The following MAP3K13 variants were observed in gnomAD, a reference collection of about 807,000 sequenced individuals.
MAP3K13 encodes the protein leucine zipper-bearing kinase.
A neutral mutation model predicts 104.0 loss-of-function variants in MAP3K13; 52 were observed. The observed-to-expected ratio is 0.50, with a 90% CI of 0.40 to 0.63. MAP3K13 has a LOEUF of 0.63. MAP3K13 is among the 20% of genes least tolerant of loss of function. MAP3K13 has a pLI of 0.00. For missense variants in MAP3K13, 914 were observed against 1,218.5 expected, an observed-to-expected ratio of 0.75 and a Z score of 3.72; for synonymous variants, 394 against 442.2, an observed-to-expected ratio of 0.89 and a Z score of 1.37.
chr3:185,358,802 A>G (rs997005380), upstream of MAP3K13, among the ~76,000 whole-genome samples: 1 of 152,234 alleles, frequency 6.6e-6, no homozygotes, highest in East Asian at 1.9e-4. Context: ...TGTTTTCCAG[A>G]TTAATTCACA....
intron 1 of MAP3K13, among the ~76,000 whole-genome samples, chr3:185,373,962 G>A (rs1328930556): frequency 1.3e-5 from 2 of 151,978 alleles, no homozygotes; most frequent in Middle Eastern, 3.4e-3. Context: ...GATGGGCGGT[G>A]GAGTTAAGAA....
intron 7 of MAP3K13, among the ~76,000 whole-genome samples, chr3:185,452,255 A>C (rs1041367127): frequency 6.6e-6 from 1 of 151,982 alleles, no homozygotes; most frequent in African/African-American, 2.4e-5. Context: ...ACAAGGTCTC[A>C]CTCTGTCAAC....
At position 185,353,308 on chromosome 3, in the gene MAP3K13, C is replaced by T. The variant is rs1218449873; in HGVS notation, c.-86+67665C>T. On this transcript the variant is annotated intron_variant, in intron 2 of 14. Transcript: ENST00000424227. ...CAGATTCAGAGAGACTCCAGCACAG[C>T]CATGGGATGGAAGAGGATTTATGGA... Among the ~76,000 whole-genome samples, 4 of 152,268 alleles carry T rather than the reference C, an allele frequency of 2.6e-5. No individual in the cohort carries two copies. The East Asian group carries it at 7.7e-4, about 29-fold the overall frequency.
chr3:185,393,966 G>A (rs1428746413), intron 1 of MAP3K13, among the ~76,000 whole-genome samples: 1 of 152,110 alleles, frequency 6.6e-6, no homozygotes, highest in East Asian at 1.9e-4. Context: ...TTAGCAAGGA[G>A]GAATGAAAGA....
rs146048692 is a variant in MAP3K13, at chr3:185,411,312, T to G, written c.-85-17185T>G. 3.3e-3 allele frequency among the ~76,000 whole-genome samples: 501 copies of G among 152,294 alleles called. 1 individual carries two copies. Among genetic ancestry groups the G allele is most frequent in the African/African-American group, 0.011 (476 of 41,562 alleles). On this transcript the variant is annotated intron_variant, in intron 1 of 13. Transcript: ENST00000265026. ...GCCAGAATGTACGTCACAAAACCCA[T>G]GTACAAAACCTCACAGTTTACTCAT...
In MAP3K13 at chr3:185,369,277, C is replaced by T. The variant is rs570146041; in HGVS notation, c.-86+5909C>T. Among the ~76,000 whole-genome samples, 30 of 152,192 alleles carry T rather than the reference C, an allele frequency of 2.0e-4. No homozygotes were observed. The South Asian group carries it at 2.1e-3, about 11-fold the overall frequency. On this transcript the variant is annotated intron_variant, in intron 1 of 13. Coordinates refer to ENST00000265026, the MANE Select transcript of MAP3K13 (RefSeq NM_004721.5). ...ACTTTTGCATTGTATTGTTTATGTG[C>T]GGATATTGATTCCTCAAAGAGATGG...
chr3:185,397,878 C>T (rs752086424), intron 1 of MAP3K13, among the ~76,000 whole-genome samples: 3 of 152,042 alleles, frequency 2.0e-5, no homozygotes, highest in Non-Finnish European at 4.4e-5. Context: ...GAGACTGGAG[C>T]GGAGCCTGCC....
chr3:185,446,058 A>C (rs1442090), intron 4 of MAP3K13, among the ~76,000 whole-genome samples: 176 of 152,260 alleles, frequency 1.2e-3, no homozygotes, highest in African/African-American at 4.1e-3. Flanking sequence ...TACGTGCAAA[A>C]CCAGGGCATG....
Position 185,339,995 on chromosome 3 carries a change from C to CT in MAP3K13, c.-86+54363dup, listed in dbSNP as rs10712523. Among the ~76,000 whole-genome samples, 64 of 148,286 alleles carry CT rather than the reference C, an allele frequency of 4.3e-4. 1 individual carries two copies. Among genetic ancestry groups the CT allele is most frequent in the East Asian group, 2.6e-3 (13 of 5,098 alleles). ...TTGTGACCTTTAATTATTTCTTTTC[C>CT]TTTTTTTTTTTGTCAAAATATATTT... On this transcript the variant is annotated intron_variant, in intron 2 of 14. Transcript: ENST00000424227.
At chr3:185,341,763 A>G (rs1384716126) in intron 2 of MAP3K13, among the ~76,000 whole-genome samples, 2 of 152,206 alleles carry the variant, frequency 1.3e-5, no homozygotes, top group African/African-American at 4.8e-5. Context: ...GGCAAACTAT[A>G]GTCCACAGGC....
At chr3:185,455,171 GAT>G (rs202038007) in intron 7 of MAP3K13, among the ~76,000 whole-genome samples, 1 of 28,102 alleles carries the variant, frequency 3.6e-5, no homozygotes, top group South Asian at 1.5e-3. Context: ...ATATATATGA[GAT>G]ATATATGATA....
At chr3:185,456,190 T>C (rs1577592362) in intron 7 of MAP3K13, among the ~76,000 whole-genome samples, 1 of 152,148 alleles carries the variant, frequency 6.6e-6, no homozygotes, top group South Asian at 2.1e-4. Flanking sequence ...AATCAGAGAC[T>C]CCTGTCCTGT....
At chr3:185,292,952 T>G in intron 2 of MAP3K13, 2 of 983,908 alleles carry the variant, frequency 2.0e-6, no homozygotes, top group African/African-American at 1.7e-5. Flanking sequence ...TGAAAGAACA[T>G]AGAATATTTC....
At chr3:185,360,008 A>G (rs1313682979), upstream of MAP3K13, among the ~76,000 whole-genome samples, 2 of 151,630 alleles carry the variant, frequency 1.3e-5, no homozygotes, top group Non-Finnish European at 2.9e-5. Flanking sequence ...CTTAATTTCT[A>G]TATATAGATT....
chr3:185,453,534 G>A lies in MAP3K13; in HGVS notation c.1278+2139G>A, dbSNP rs148734158. On this transcript the variant is annotated intron_variant, in intron 7 of 13. Coordinates refer to ENST00000265026, the MANE Select transcript of MAP3K13 (RefSeq NM_004721.5). ...TTAAATATGCTTTTCACTTTGGGAG[G>A]CCGAGGCGGGCAGATCACGAGGTCA... Among the ~76,000 whole-genome samples, 23 of 151,970 alleles carry A rather than the reference G, an allele frequency of 1.5e-4. No individual in the cohort carries two copies. The East Asian group carries it at 4.1e-3, about 27-fold the overall frequency.
rs1717951693 is a variant in MAP3K13 at position 185,473,777 on chromosome 3, G to A, written c.2430+16G>A. 1 of 1,602,670 alleles carries A rather than the reference G, an allele frequency of 6.2e-7. No individual in the cohort carries two copies. Among genetic ancestry groups the A allele is most frequent in the East Asian group, 2.2e-5 (1 of 44,774 alleles). On this transcript the variant is annotated intron_variant, in intron 11 of 13. Transcript: ENST00000265026. The surrounding 1 kb of genome is among the most constrained non-coding windows in gnomAD (Gnocchi z 4.9). ...TCTGCAGAAGGTAAAGTGTAATGAT[G>A]AGAGTGGCCTGCGTCACTGCCTTCA...
chr3:185,380,821 C>T (rs1245695280), intron 1 of MAP3K13, among the ~76,000 whole-genome samples: 1 of 151,992 alleles, frequency 6.6e-6, no homozygotes, highest in Non-Finnish European at 1.5e-5. Context: ...TTGTGAGTAG[C>T]AAGGATCTGA....
intron 2 of MAP3K13, among the ~76,000 whole-genome samples, chr3:185,286,922 T>G (rs1429488134): frequency 6.6e-6 from 1 of 152,168 alleles, no homozygotes; most frequent in Non-Finnish European, 1.5e-5. Context: ...ACAGCAAGGC[T>G]TTAGGATAAT....
At chr3:185,304,736 C>T (rs989856694) in intron 2 of MAP3K13, among the ~76,000 whole-genome samples, 4 of 152,060 alleles carry the variant, frequency 2.6e-5, no homozygotes, top group African/African-American at 7.2e-5. Flanking sequence ...CGGGTTCAAG[C>T]GATTCTCCTG....
Sources: gnomAD v4.1 joint callset for allele counts (sites outside exome capture counted in the v4.1 genomes callset) on GRCh38, gnomAD v4.1.1 for gene constraint, Gnocchi (gnomAD v3.1) non-coding constraint, MANE v1.5 for transcripts, NCBI Gene and HGNC (gene_info 2026-07-23, HGNC 2026-07-21) for gene names.